NFATC2: variants seen among roughly 807,000 people sequenced by gnomAD.
NFATC2 encodes the protein nuclear factor of activated T-cells, cytoplasmic 2.
Under a neutral mutation model 87.3 loss-of-function variants are expected in NFATC2, and 22 were observed. The ratio of observed to expected loss-of-function variants is 0.25; its 90% CI spans 0.18 to 0.36. NFATC2 has a LOEUF of 0.36. NFATC2 is among the 10% of genes least tolerant of loss of function. NFATC2 has a pLI of 1.00. For synonymous variants in NFATC2, 565 were observed against 542.2 expected, an observed-to-expected ratio of 1.04 and a Z score of -0.58; for missense variants, 1,149 against 1,259.1, an observed-to-expected ratio of 0.91 and a Z score of 1.32.
chr20:51,546,245 A>C (rs2076888419), upstream of NFATC2, among the ~76,000 whole-genome samples: 1 of 152,172 alleles, frequency 6.6e-6, no homozygotes, highest in Admixed American at 6.5e-5. Context: ...TTGTAGTCAG[A>C]GTTCTTTAAA....
intron 2 of NFATC2, among the ~76,000 whole-genome samples, chr20:51,521,584 G>A (rs1028821578): frequency 6.6e-6 from 1 of 152,230 alleles, no homozygotes; most frequent in South Asian, 2.1e-4. Context: ...GCCTCCCAAA[G>A]TGCTGGGATT....
intron 8 of NFATC2, among the ~76,000 whole-genome samples, chr20:51,433,370 C>T (rs969378252): frequency 3.3e-5 from 5 of 152,152 alleles, no homozygotes; most frequent in African/African-American, 1.2e-4. Flanking sequence ...GGAATAAGCA[C>T]TACTGTCTCA....
intron 3 of NFATC2, among the ~76,000 whole-genome samples, chr20:51,488,010 C>T (rs1288554829): frequency 6.6e-6 from 1 of 152,030 alleles, no homozygotes; most frequent in Non-Finnish European, 1.5e-5. Context: ...GGCAGATCAA[C>T]AAAACGCATC....
At chr20:51,461,378 A>G (rs377648194) in intron 5 of NFATC2, among the ~76,000 whole-genome samples, 12 of 152,314 alleles carry the variant, frequency 7.9e-5, no homozygotes, top group East Asian at 5.8e-4. Context: ...GTCATCTTTG[A>G]GGGCCTGGCT....
Position 51,435,581 on chromosome 20 carries a change from T to C in NFATC2, c.1905+125A>G, listed in dbSNP as rs1463635984. 9.6e-6 allele frequency: 10 copies of C among 1,044,426 alleles called. No individual in the cohort carries two copies. The African/African-American group carries it at 1.1e-4, about 12-fold the overall frequency. The allele number at this position is 1,044,426 out of a possible 1,614,324, so 64.7% of individuals were successfully genotyped here. A position where few individuals can be genotyped will look rare whatever the true frequency, so the allele number is the denominator to read the frequency against. On this transcript the variant is annotated intron_variant, in intron 7 of 10. Coordinates refer to ENST00000371564, the MANE Select transcript of NFATC2 (RefSeq NM_012340.5). ...GAACTCACTCATTAATATGCACATA[T>C]TGAGTACCTGTTAGGTCCAGAGCTC...
intron 9 of NFATC2, among the ~76,000 whole-genome samples, chr20:51,418,955 C>CCCT (rs976668874): frequency 2.7e-5 from 4 of 150,132 alleles, no homozygotes; most frequent in African/African-American, 1.0e-4. Context: ...TGAGCCACCC[C>CCCT]CACCGCCCTA....
chr20:51,449,677 TGTGGG>T (rs1467463423), intron 6 of NFATC2, among the ~76,000 whole-genome samples: 1 of 152,134 alleles, frequency 6.6e-6, no homozygotes, highest in African/African-American at 2.4e-5. Flanking sequence ...GAGTCCAAGG[TGTGGG>T]GTCTAGAGCC....
At chr20:51,481,912 T>C (rs1023073478) in intron 3 of NFATC2, among the ~76,000 whole-genome samples, 13 of 152,192 alleles carry the variant, frequency 8.5e-5, no homozygotes, top group African/African-American at 3.1e-4. Flanking sequence ...CTTGCAAACA[T>C]AGCTAATGTA....
intron 10 of NFATC2, among the ~76,000 whole-genome samples, chr20:51,395,661 C>CTGGAAAGGAAAAAGT (rs1409467127): frequency 3.6e-4 from 51 of 143,068 alleles, no homozygotes; most frequent in African/African-American, 1.4e-3. Flanking sequence ...AAGCCTGCAA[C>CTGGAAAGGAAAAAGT]TGGAAAGGAA....
chr20:51,549,095 C>T (rs6013210), intron 1 of NFATC2, among the ~76,000 whole-genome samples: 21 of 151,974 alleles, frequency 1.4e-4, no homozygotes, highest in Non-Finnish European at 2.6e-4. Context: ...GAGTCTGAGA[C>T]GGCAATGTGT....
intron 10 of NFATC2, among the ~76,000 whole-genome samples, chr20:51,393,492 A>T (rs1478714619): frequency 1.3e-5 from 2 of 152,184 alleles, no homozygotes; most frequent in Non-Finnish European, 2.9e-5. Flanking sequence ...CATTAATAGG[A>T]ATGTAGAGGA....
chr20:51,492,985 G>A (rs938508090), intron 3 of NFATC2, among the ~76,000 whole-genome samples: 5 of 152,218 alleles, frequency 3.3e-5, no homozygotes, highest in Admixed American at 6.5e-5. Flanking sequence ...AGGAGGATGC[G>A]ATCGTGTGCC....
At chr20:51,486,869 T>C (rs1281148882) in intron 3 of NFATC2, among the ~76,000 whole-genome samples, 1 of 151,932 alleles carries the variant, frequency 6.6e-6, no homozygotes, top group Non-Finnish European at 1.5e-5. Context: ...TGTCTCACCA[T>C]GAAAGAGACA....
At chr20:51,561,431 A>AAAGGAAG (rs1308574202) in intron 1 of NFATC2, among the ~76,000 whole-genome samples, 1 of 110,178 alleles carries the variant, frequency 9.1e-6, no homozygotes. Flanking sequence ...AGAGAGAAAG[A>AAAGGAAG]AAAGAAAGAA....
intron 6 of NFATC2, among the ~76,000 whole-genome samples, chr20:51,451,145 G>A (rs1240171611): frequency 7.9e-5 from 12 of 152,300 alleles, no homozygotes; most frequent in Middle Eastern, 3.4e-3. Context: ...GCCCCTCAAG[G>A]CAAAGCAGGC....
rs76640734 is a variant in NFATC2 at position 51,450,512 on chromosome 20, A to G, written c.1849+4036T>C. On this transcript the variant is annotated intron_variant, in intron 6 of 10. Transcript: ENST00000371564. ...GCAACATAGTGAGACCCCACTTCAA[A>G]AAATAACGATGAACATCCCATGAGC... Among the ~76,000 whole-genome samples, 479 of 152,328 alleles carry G rather than the reference A, an allele frequency of 3.1e-3. 2 individuals are homozygous for G. The highest frequency in any genetic ancestry group is 5.1e-3 in the Non-Finnish European group (347 of 68,030).
chr20:51,420,825 G>A (rs955652268), intron 9 of NFATC2, among the ~76,000 whole-genome samples: 1 of 152,134 alleles, frequency 6.6e-6, no homozygotes, highest in African/African-American at 2.4e-5. Context: ...TAGTGGTCTT[G>A]TACTTTCAGA....
intron 6 of NFATC2, among the ~76,000 whole-genome samples, chr20:51,449,987 TC>T: frequency 6.6e-6 from 1 of 152,340 alleles, no homozygotes; most frequent in Non-Finnish European, 1.5e-5. Flanking sequence ...GTCTTACTTG[TC>T]TTTGTTTTTC....
At position 51,391,469 on chromosome 20, in the gene NFATC2, AGGG is replaced by A; in HGVS notation, c.*45-21_*45-19del. On this transcript the variant is annotated intron_variant, in intron 10 of 10. Transcript: ENST00000371564. The stretch of plus-strand genomic sequence containing the variant: ...TTCATTAACTACAAAAGAAAAGAGG[AGGG>A]GGGGGGAGAGAGAATGGGGCAAGTG... 5.1e-5 allele frequency: 56 copies of A among 1,087,694 alleles called. No homozygotes were observed. Among genetic ancestry groups the A allele is most frequent in the Non-Finnish European group, 6.6e-5 (49 of 743,666 alleles). 67.4% of individuals were successfully genotyped at this position (1,087,694 alleles called of 1,614,324 possible).
Sources: allele counts gnomAD v4.1 joint callset (sites outside exome capture counted in the v4.1 genomes callset), GRCh38; gene constraint gnomAD v4.1.1; transcripts MANE v1.5; gene names NCBI Gene and HGNC (gene_info 2026-07-23, HGNC 2026-07-21).